SUPT3H: variants seen among roughly 807,000 people sequenced by gnomAD.
SUPT3H encodes the protein SPT3 homolog, SAGA and STAGA complex component.
In SUPT3H, 44 loss-of-function variants were observed where a neutral mutation model predicts 44.3. The observed-to-expected ratio is 0.99, with a 90% CI of 0.78 to 1.28. The LOEUF is 1.28. Ranked by LOEUF, SUPT3H falls within the 50% of genes most tolerant of loss-of-function variation. The pLI is 0.00. For synonymous variants in SUPT3H, 124 were observed against 125.6 expected, an observed-to-expected ratio of 0.99 and a Z score of 0.09; for missense variants, 380 against 387.1, an observed-to-expected ratio of 0.98 and a Z score of 0.15.
chr6:45,175,346 C>A (rs1464927017), intron 2 of SUPT3H, among the ~76,000 whole-genome samples: 1 of 152,136 alleles, frequency 6.6e-6, no homozygotes, highest in Admixed American at 6.5e-5. Flanking sequence ...AGGAAACTTA[C>A]AGTCACGGTG....
rs1486525893 is a variant in SUPT3H, at chr6:45,328,283, A to T, written c.101+36918T>A. 5.1e-6 allele frequency: 7 copies of T among 1,364,804 alleles called. No individual in the cohort carries two copies. In the South Asian group the frequency reaches 5.7e-5, roughly 11 times the overall value. 84.5% of individuals were successfully genotyped at this position (1,364,804 alleles called of 1,614,324 possible). A position where few individuals can be genotyped will look rare whatever the true frequency, so the allele number is the denominator to read the frequency against. ...CTCTCCAGTAATAGTGCTTGCAAAA[A>T]AAAGGAGTTTTAAAGCTTTTGCTTT... On this transcript the variant is annotated intron_variant, in intron 2 of 10. Coordinates refer to ENST00000371459, the MANE Select transcript of SUPT3H (RefSeq NM_003599.4).
At chr6:45,103,144 A>C (rs1173060198) in intron 3 of SUPT3H, among the ~76,000 whole-genome samples, 4 of 152,190 alleles carry the variant, frequency 2.6e-5, no homozygotes, top group African/African-American at 7.2e-5. Context: ...CCTTTCCTCT[A>C]AAGAACTCAC....
At chr6:45,173,710 T>G (rs1432981965) in intron 2 of SUPT3H, among the ~76,000 whole-genome samples, 1 of 152,188 alleles carries the variant, frequency 6.6e-6, no homozygotes, top group Non-Finnish European at 1.5e-5. Context: ...CTTATCAGCA[T>G]AGAGCCAGAA....
chr6:45,181,218 A>C (rs957749498), intron 2 of SUPT3H, among the ~76,000 whole-genome samples: 6 of 107,256 alleles, frequency 5.6e-5, no homozygotes, highest in Non-Finnish European at 9.6e-5. Context: ...AGGAAACAAC[A>C]CGTGCTGGAG....
intron 2 of SUPT3H, among the ~76,000 whole-genome samples, chr6:45,308,311 T>C (rs932985204): frequency 7.9e-5 from 12 of 151,912 alleles, no homozygotes; most frequent in African/African-American, 2.9e-4. Flanking sequence ...TTCACCTAAG[T>C]TGAAATGAAG....
chr6:45,076,659 TTAAA>T (rs1462296532), intron 3 of SUPT3H, among the ~76,000 whole-genome samples: 3 of 152,126 alleles, frequency 2.0e-5, no homozygotes, highest in Non-Finnish European at 4.4e-5. Context: ...GTCAAATGTT[TTAAA>T]TAATTAAATT....
intron 10 of SUPT3H, among the ~76,000 whole-genome samples, chr6:44,903,616 C>G (rs931877601): frequency 1.3e-4 from 20 of 152,122 alleles, no homozygotes; most frequent in Non-Finnish European, 2.4e-4. Flanking sequence ...GTAGGAGCTG[C>G]TACCATTCCT....
intron 2 of SUPT3H, among the ~76,000 whole-genome samples, chr6:45,314,724 C>T (rs1216307323): frequency 6.6e-6 from 1 of 152,070 alleles, no homozygotes; most frequent in Non-Finnish European, 1.5e-5. Context: ...CAAAAGCAAT[C>T]TATAAATTCA....
chr6:44,856,625 T>C (rs1773782385), intron 10 of SUPT3H, among the ~76,000 whole-genome samples: 1 of 152,314 alleles, frequency 6.6e-6, no homozygotes, highest in Non-Finnish European at 1.5e-5. Flanking sequence ...TTTCACTATA[T>C]TTCAAATACT....
At chr6:45,207,605 C>T (rs1300375785) in intron 2 of SUPT3H, among the ~76,000 whole-genome samples, 2 of 152,076 alleles carry the variant, frequency 1.3e-5, no homozygotes, top group East Asian at 3.9e-4. Context: ...ACAGCATGGG[C>T]TCATTTCATA....
At chr6:45,019,275 T>C (rs1035580954) in intron 4 of SUPT3H, among the ~76,000 whole-genome samples, 3 of 152,116 alleles carry the variant, frequency 2.0e-5, no homozygotes, top group African/African-American at 7.2e-5. Context: ...TCTATCAGTT[T>C]TGTTGATCCT....
At chr6:45,333,972 C>T (rs1023258289) in intron 2 of SUPT3H, among the ~76,000 whole-genome samples, 4 of 151,018 alleles carry the variant, frequency 2.6e-5, no homozygotes, top group African/African-American at 9.7e-5. Context: ...TACGCAATTT[C>T]GATAATGTTT....
chr6:45,262,544 A>G (rs1222789937), intron 2 of SUPT3H, among the ~76,000 whole-genome samples: 1 of 152,138 alleles, frequency 6.6e-6, no homozygotes, highest in African/African-American at 2.4e-5. Context: ...GTAAGACCTA[A>G]AACTACAAAA....
Position 44,980,528 on chromosome 6 carries a change from G to T in SUPT3H, c.505-18700C>A, listed in dbSNP as rs1778957606. Among the ~76,000 whole-genome samples, 3 of 152,134 alleles carry T rather than the reference G, an allele frequency of 2.0e-5. No homozygotes were observed. In the South Asian group the frequency reaches 6.2e-4, roughly 31 times the overall value. On this transcript the variant is annotated intron_variant, in intron 6 of 10. Transcript: ENST00000371459. ...AAACGTGGCTGAGGGTAAGAGAAAT[G>T]CAGATTTTCTTTCTTTCTTCTTGTT... is the stretch of plus-strand genomic sequence containing the variant.
chr6:45,118,137 G>A (rs985420055), intron 2 of SUPT3H, among the ~76,000 whole-genome samples: 2 of 151,926 alleles, frequency 1.3e-5, no homozygotes, highest in African/African-American at 4.8e-5. Flanking sequence ...ACCCTTTATA[G>A]ATATTTATAT....
intron 6 of SUPT3H, among the ~76,000 whole-genome samples, chr6:44,962,434 AT>A (rs1776159632): frequency 6.6e-6 from 1 of 152,150 alleles, no homozygotes. Flanking sequence ...AAGAGGTAGG[AT>A]AATTATAATT....
chr6:45,094,240 T>C (rs1797505269), intron 3 of SUPT3H, among the ~76,000 whole-genome samples: 1 of 151,990 alleles, frequency 6.6e-6, no homozygotes, highest in Non-Finnish European at 1.5e-5. Context: ...AGCTAGAACT[T>C]AGCTTAAGTC....
At chr6:45,138,747 G>A (rs1163303125) in intron 2 of SUPT3H, among the ~76,000 whole-genome samples, 1 of 152,130 alleles carries the variant, frequency 6.6e-6, no homozygotes, top group Non-Finnish European at 1.5e-5. Context: ...AAGAATTTTA[G>A]GGGGAGGTGA....
At chr6:44,986,261 T>C (rs1779777646) in intron 6 of SUPT3H, among the ~76,000 whole-genome samples, 1 of 152,196 alleles carries the variant, frequency 6.6e-6, no homozygotes, top group South Asian at 2.1e-4. Context: ...TACTTTTCAC[T>C]TTGTAACTGT....
Sources: allele counts gnomAD v4.1 joint callset (sites outside exome capture counted in the v4.1 genomes callset), GRCh38; gene constraint gnomAD v4.1.1; transcripts MANE v1.5; gene names NCBI Gene and HGNC (gene_info 2026-07-23, HGNC 2026-07-21).